Variants in CHIC2 observed in about 807,000 individuals in gnomAD.
CHIC2 encodes the protein cysteine rich hydrophobic domain 2, also known as cysteine-rich hydrophobic domain-containing protein 2.
A neutral mutation model predicts 25.9 loss-of-function variants in CHIC2; 14 were observed. The observed-to-expected ratio is 0.54, with a 90% CI of 0.36 to 0.85. The LOEUF is 0.85. Among genes scored for constraint, CHIC2 ranks in the 40% least tolerant of loss-of-function variants. CHIC2 has a pLI of 0.01. For synonymous variants in CHIC2, 70 were observed against 72.0 expected, an observed-to-expected ratio of 0.97 and a Z score of 0.14; for missense variants, 146 against 202.0, an observed-to-expected ratio of 0.72 and a Z score of 1.68.
At chr4:54,065,761 T>C (rs749411858), upstream of CHIC2, among the ~76,000 whole-genome samples, 2 of 152,182 alleles carry the variant, frequency 1.3e-5, no homozygotes, top group Non-Finnish European at 2.9e-5. Context: ...GCAGTGTTCA[T>C]GTCACAGTAG....
At chr4:54,023,255 A>T (rs146695950) in intron 3 of CHIC2, among the ~76,000 whole-genome samples, 1,603 of 152,140 alleles carry the variant, frequency 0.011, 13 homozygotes, top group Non-Finnish European at 0.015. Context: ...AAACAACTTG[A>T]CCTTACTATT....
the CHIC2 span, among the ~76,000 whole-genome samples, chr4:54,075,045 A>G: frequency 1.3e-5 from 2 of 152,204 alleles, no homozygotes; most frequent in African/African-American, 4.8e-5. Flanking sequence ...AGGGAGATCA[A>G]GGCTGCAGTG....
chr4:54,049,688 T>A (rs1326505942), intron 1 of CHIC2, among the ~76,000 whole-genome samples: 1 of 152,104 alleles, frequency 6.6e-6, no homozygotes, highest in South Asian at 2.1e-4. Flanking sequence ...AAACAAACAA[T>A]ACCTGTGAAT....
chr4:54,034,328 T>A (rs1012516411), intron 3 of CHIC2, among the ~76,000 whole-genome samples: 42 of 151,838 alleles, frequency 2.8e-4, no homozygotes, highest in Non-Finnish European at 5.0e-4. Context: ...CGCTTGAACC[T>A]GGGAGGCAGA....
chr4:54,090,595 A>G, the CHIC2 span, among the ~76,000 whole-genome samples: 1 of 152,154 alleles, frequency 6.6e-6, no homozygotes, highest in African/African-American at 2.4e-5. Flanking sequence ...TCACACATCA[A>G]CGTCGTCATA....
intron 1 of CHIC2, among the ~76,000 whole-genome samples, chr4:54,050,156 TGGCTTTTAC>T (rs1456701700): frequency 6.6e-6 from 1 of 151,912 alleles, no homozygotes; most frequent in Non-Finnish European, 1.5e-5. Flanking sequence ...CAGGCTTTTA[TGGCTTTTAC>T]AGCTTCCTTT....
At chr4:54,066,787 T>C (rs1477934272), upstream of CHIC2, among the ~76,000 whole-genome samples, 1 of 152,192 alleles carries the variant, frequency 6.6e-6, no homozygotes, top group East Asian at 1.9e-4. Context: ...GACTAGTGGC[T>C]GCACTCAGTT....
At chr4:54,043,621 C>T (rs1716668022) in intron 3 of CHIC2, among the ~76,000 whole-genome samples, 1 of 151,968 alleles carries the variant, frequency 6.6e-6, no homozygotes. Flanking sequence ...TCTGTCAGCA[C>T]CAGGCCTGCC....
At chr4:54,016,490 G>A (rs919765573) in intron 3 of CHIC2, among the ~76,000 whole-genome samples, 3 of 151,968 alleles carry the variant, frequency 2.0e-5, no homozygotes, top group African/African-American at 7.3e-5. Flanking sequence ...TAATGATAGG[G>A]CTTGGTATAA....
upstream of CHIC2, among the ~76,000 whole-genome samples, chr4:54,066,027 C>T (rs1717511010): frequency 6.6e-6 from 1 of 152,224 alleles, no homozygotes; most frequent in Admixed American, 6.5e-5. Context: ...GAGGCACAGG[C>T]CCTGACTTCT....
At chr4:54,052,485 G>A (rs1303167177) in intron 1 of CHIC2, among the ~76,000 whole-genome samples, 1 of 152,122 alleles carries the variant, frequency 6.6e-6, no homozygotes, top group East Asian at 1.9e-4. Context: ...GTTCAGCACA[G>A]TATTAGAAAG....
chr4:54,075,514 G>GA, the CHIC2 span, among the ~76,000 whole-genome samples: 1 of 152,056 alleles, frequency 6.6e-6, no homozygotes, highest in Admixed American at 6.6e-5. Flanking sequence ...AAAATAAGGG[G>GA]AAAAATCAGG....
intron 3 of CHIC2, among the ~76,000 whole-genome samples, chr4:54,019,676 T>G (rs35717121): frequency 0.021 from 3,158 of 152,262 alleles, 44 homozygotes; most frequent in Middle Eastern, 0.034. Flanking sequence ...GAGTACCATT[T>G]CAGAAAATAC....
At chr4:54,070,178 T>C in the CHIC2 span, among the ~76,000 whole-genome samples, 2 of 151,998 alleles carry the variant, frequency 1.3e-5, no homozygotes, top group Non-Finnish European at 2.9e-5. Flanking sequence ...GACCTTGAAG[T>C]AGAAAAGAGC....
chr4:54,039,332 C>T (rs1716495262), intron 3 of CHIC2, among the ~76,000 whole-genome samples: 1 of 152,062 alleles, frequency 6.6e-6, no homozygotes, highest in Non-Finnish European at 1.5e-5. Context: ...ACGTATCTGC[C>T]AGGGGACTTA....
chr4:54,073,559 G>A, the CHIC2 span, among the ~76,000 whole-genome samples: 1 of 152,132 alleles, frequency 6.6e-6, no homozygotes, highest in Non-Finnish European at 1.5e-5. Flanking sequence ...GCCACTCATG[G>A]GAGTGAGCCA....
intron 3 of CHIC2, among the ~76,000 whole-genome samples, chr4:54,014,335 CTTTT>C (rs899939656): frequency 6.6e-6 from 1 of 152,030 alleles, no homozygotes. Context: ...TCATACGAAT[CTTTT>C]TTTACTAGCC....
chr4:54,023,223 G>A (rs764553523), intron 3 of CHIC2, among the ~76,000 whole-genome samples: 10 of 152,098 alleles, frequency 6.6e-5, no homozygotes, highest in African/African-American at 1.2e-4. Flanking sequence ...AGCCGGAACC[G>A]TGCCCTGTAG....
chr4:54,009,789 T>A lies in CHIC2; in HGVS notation c.*306A>T, dbSNP rs1038264391. 1.1e-4 allele frequency: 27 copies of A among 254,418 alleles called. No homozygotes were observed. Among genetic ancestry groups the A allele is most frequent in the South Asian group, 5.9e-4 (4 of 6,750 alleles). The allele number at this position is 254,418 out of a possible 1,614,324, so 15.8% of individuals were successfully genotyped here. A position where few individuals can be genotyped will look rare whatever the true frequency, so the allele number is the denominator to read the frequency against. Reference sequence around the variant, plus strand: ...TGACAAAATAAAAAAGGCTGGCCACTTTTTATGCTAAGTTCAAATGTATTT... The same window carrying A: ...TGACAAAATAAAAAAGGCTGGCCACATTTTATGCTAAGTTCAAATGTATTT... On this transcript the variant is annotated 3_prime_UTR_variant, in exon 6 of 6. Coordinates refer to ENST00000263921, the MANE Select transcript of CHIC2 (RefSeq NM_012110.4).
Sources: allele counts gnomAD v4.1 joint callset (sites outside exome capture counted in the v4.1 genomes callset), GRCh38; gene constraint gnomAD v4.1.1; transcripts MANE v1.5; gene names NCBI Gene and HGNC (gene_info 2026-07-23, HGNC 2026-07-21).